Variants in BICC1 observed in about 807,000 individuals in gnomAD.
BICC1 encodes protein bicaudal C homolog 1.
Under a neutral mutation model 111.0 loss-of-function variants are expected in BICC1, and 43 were observed. The observed-to-expected ratio is 0.39, with a 90% CI of 0.30 to 0.50. The LOEUF (loss-of-function observed/expected upper bound fraction) is 0.50. Ranked by LOEUF, BICC1 falls within the 20% of genes least tolerant of loss-of-function variation. The pLI is 0.88. For missense variants in BICC1, 1,091 were observed against 1,203.2 expected (o/e 0.91, Z 1.38); for synonymous variants, 467 against 434.4 (o/e 1.07, Z -0.93).
chr10:58,731,856 A>G (rs1311092637), intron 3 of BICC1, among the ~76,000 whole-genome samples: 1 of 152,218 alleles, frequency 6.6e-6, no homozygotes, highest in Non-Finnish European at 1.5e-5. Context: ...ATCCACCTGA[A>G]TGATCCAATC....
chr10:58,652,162 A>T (rs1202333934), intron 2 of BICC1, among the ~76,000 whole-genome samples: 6 of 152,172 alleles, frequency 3.9e-5, no homozygotes, highest in African/African-American at 1.4e-4. Context: ...TTCATCTATA[A>T]CATGAAGAAA....
chr10:58,727,618 G>T (rs1841149903), intron 3 of BICC1, among the ~76,000 whole-genome samples: 3 of 151,966 alleles, frequency 2.0e-5, no homozygotes, highest in Admixed American at 6.6e-5. Flanking sequence ...TGGGGTGGGG[G>T]CGGTTCATAC....
intron 3 of BICC1, among the ~76,000 whole-genome samples, chr10:58,745,802 T>A (rs1420476504): frequency 6.6e-6 from 1 of 152,028 alleles, no homozygotes; most frequent in African/African-American, 2.4e-5. Context: ...ATCAGCTGAT[T>A]AGCAACCTTA....
rs1327873654 is a variant in BICC1 at position 58,621,936 on chromosome 10, G to GAAC, written c.237+1037_237+1038insCAA. Among the ~76,000 whole-genome samples the GAAC allele has an allele frequency of 3.8e-3, 94 of 24,854 alleles. 27 individuals carry two copies. The highest frequency in any genetic ancestry group is 0.025 in the South Asian group (18 of 706). The allele number at this position is 24,854 out of a possible 152,430, so 16.3% of individuals were successfully genotyped here. On this transcript the variant is annotated intron_variant, in intron 2 of 20. Transcript: ENST00000373886. ...GAATAGAATAGAATAGAATAGAATA[G>GAAC]AATAGAATAGAATAGAATAGAATAG...
chr10:58,590,406 A>G (rs1460082937), intron 1 of BICC1, among the ~76,000 whole-genome samples: 1 of 152,068 alleles, frequency 6.6e-6, no homozygotes, highest in Non-Finnish European at 1.5e-5. Context: ...CTATGAAATG[A>G]CTCATTATAA....
At chr10:58,638,966 A>G (rs1838037903) in intron 2 of BICC1, among the ~76,000 whole-genome samples, 1 of 151,204 alleles carries the variant, frequency 6.6e-6, no homozygotes, top group Admixed American at 6.6e-5. Flanking sequence ...GCAGTTGACA[A>G]ATAAAAATTG....
At chr10:58,564,522 G>A (rs1649048) in intron 1 of BICC1, among the ~76,000 whole-genome samples, 66,083 of 152,032 alleles carry the variant, frequency 0.43, 16,149 homozygotes, top group Admixed American at 0.62. Context: ...TTGATTTTTT[G>A]AACTTCATGA....
At chr10:58,614,484 C>T (rs1845537617) in intron 1 of BICC1, among the ~76,000 whole-genome samples, 1 of 152,214 alleles carries the variant, frequency 6.6e-6, no homozygotes, top group African/African-American at 2.4e-5. Context: ...AAGATTTTTG[C>T]TGCCAGTGAA....
At chr10:58,793,123 G>C (rs948847160) in intron 8 of BICC1, among the ~76,000 whole-genome samples, 8 of 152,184 alleles carry the variant, frequency 5.3e-5, no homozygotes, top group Admixed American at 1.3e-4. Context: ...GGAAGTCATT[G>C]AGCAAAGGCA....
chr10:58,792,426 G>A (rs533782348), intron 8 of BICC1, among the ~76,000 whole-genome samples: 6 of 152,212 alleles, frequency 3.9e-5, no homozygotes, highest in South Asian at 2.1e-4. Flanking sequence ...GACAAGGACC[G>A]GACCAATACT....
chr10:58,727,001 A>C (rs1229379027), intron 3 of BICC1, among the ~76,000 whole-genome samples: 1 of 152,160 alleles, frequency 6.6e-6, no homozygotes, highest in East Asian at 1.9e-4. Context: ...AGGAAACATG[A>C]AGTTGCTTTA....
chr10:58,729,137 G>A (rs1841207046), intron 3 of BICC1, among the ~76,000 whole-genome samples: 1 of 152,156 alleles, frequency 6.6e-6, no homozygotes, highest in Non-Finnish European at 1.5e-5. Flanking sequence ...AGCTTTGAAG[G>A]CAGACACTGA....
In BICC1 at chr10:58,789,297, A is replaced by T; in HGVS notation, c.636A>T (p.Pro212=). 1 of 1,613,950 alleles carries T rather than the reference A, an allele frequency of 6.2e-7. No homozygotes were observed. The highest frequency in any genetic ancestry group is 8.5e-7 in the Non-Finnish European group (1 of 1,179,934). ...LLPLVLMFEL[P]IAGILQPVPD... is the part of the protein sequence containing the mutation. ...CTTTGGTGCTGATGTTTGAGCTACC[A>T]ATTGCTGGAATTCTTCAACCGGTTC... is the stretch of plus-strand genomic sequence containing the variant. The change falls in exon 7 of 21, where the codon CCA becomes CCT. Residue 212 remains proline (P), a synonymous_variant. Coordinates refer to ENST00000373886, the MANE Select transcript of BICC1 (RefSeq NM_001080512.3).
chr10:58,820,969 C>T (rs1390977647), intron 20 of BICC1, among the ~76,000 whole-genome samples: 3 of 152,116 alleles, frequency 2.0e-5, no homozygotes, highest in Non-Finnish European at 4.4e-5. Context: ...ATTTATGAGT[C>T]ACAGGACATA....
rs113640810 is a variant in BICC1, at chr10:58,547,446, A to G, written c.190+34113A>G. On this transcript the variant is annotated intron_variant, in intron 1 of 20. Transcript: ENST00000373886. Reference sequence around the variant, plus strand: ...CATTCTCCTCATATTAAGGGTGTACACTATTGTGTCAGCATCATGTTTTAC... The same window carrying G: ...CATTCTCCTCATATTAAGGGTGTACGCTATTGTGTCAGCATCATGTTTTAC... Among the ~76,000 whole-genome samples the G allele has an allele frequency of 7.3e-3, 1,105 of 152,218 alleles. 8 individuals carry two copies. Among genetic ancestry groups the G allele is most frequent in the African/African-American group, 0.024 (979 of 41,536 alleles).
At chr10:58,798,601 G>T (rs2132857884) in intron 11 of BICC1, 41 bp downstream of exon 11, 1 of 1,447,926 alleles carries the variant, frequency 6.9e-7, no homozygotes, top group African/African-American at 1.5e-5. Context: ...TGTATTCTTA[G>T]GTGTTACCAG....
At chr10:58,581,769 G>A (rs959823242) in intron 1 of BICC1, among the ~76,000 whole-genome samples, 11 of 152,112 alleles carry the variant, frequency 7.2e-5, no homozygotes, top group African/African-American at 2.7e-4. Context: ...AATTTGGGAA[G>A]ATTGAGAAAA....
chr10:58,524,856 A>G (rs1048934118), intron 1 of BICC1, among the ~76,000 whole-genome samples: 1 of 152,192 alleles, frequency 6.6e-6, no homozygotes, highest in Non-Finnish European at 1.5e-5. Flanking sequence ...AACTCCAACA[A>G]ATTTACAAGA....
chr10:58,621,708 C>A (rs376945433), intron 2 of BICC1, among the ~76,000 whole-genome samples: 55 of 152,002 alleles, frequency 3.6e-4, no homozygotes, highest in African/African-American at 1.3e-3. Context: ...GAGTTTGAGA[C>A]CAGCCTGGCC....
Sources: allele counts gnomAD v4.1 joint callset (sites outside exome capture counted in the v4.1 genomes callset), GRCh38; gene constraint gnomAD v4.1.1; transcripts MANE v1.5; gene names NCBI Gene and HGNC (gene_info 2026-07-23, HGNC 2026-07-21).